FAM135B: variants seen among roughly 807,000 people sequenced by gnomAD.
FAM135B encodes protein FAM135B.
A neutral mutation model predicts 127.7 loss-of-function variants in FAM135B; 43 were observed. The observed-to-expected ratio is 0.34, with a 90% CI of 0.26 to 0.43. FAM135B has a LOEUF of 0.43. FAM135B is among the 20% of genes least tolerant of loss of function. The pLI is 1.00. For missense variants in FAM135B, 1,558 were observed against 1,725.6 expected (o/e 0.90, Z 1.72); for synonymous variants, 670 against 665.1 (o/e 1.01, Z -0.11).
rs10107259 is a variant in FAM135B at position 138,241,219 on chromosome 8, C to T, written c.669+1723G>A. Among the ~76,000 whole-genome samples the T allele has an allele frequency of 7.4e-3, 1,121 of 152,348 alleles. 15 individuals carry two copies. Among genetic ancestry groups the T allele is most frequent in the African/African-American group, 0.025 (1,047 of 41,584 alleles). ...CAATGACATGCTACAGGGCTCACTG[C>T]TTTCCACTCGCTTTCTTACTCATTC... On this transcript the variant is annotated intron_variant, in intron 7 of 19. Transcript: ENST00000395297. This position sits in a 1 kb window ranked among gnomAD's most constrained non-coding sequence, Gnocchi z 4.8.
intron 1 of FAM135B, among the ~76,000 whole-genome samples, chr8:138,479,155 T>G (rs931964751): frequency 6.6e-6 from 1 of 152,154 alleles, no homozygotes; most frequent in Non-Finnish European, 1.5e-5. Context: ...GTGTGGAACT[T>G]CCATGCCCTC....
intron 1 of FAM135B, chr8:138,436,743 T>C (rs1369807873): frequency 6.6e-6 from 1 of 152,240 alleles, no homozygotes; most frequent in Non-Finnish European, 1.5e-5. Flanking sequence ...GTCTTGAAGT[T>C]AAATGAGCTG....
At chr8:138,259,226 G>A in intron 4 of FAM135B, among the ~76,000 whole-genome samples, 1 of 152,078 alleles carries the variant, frequency 6.6e-6, no homozygotes, top group Non-Finnish European at 1.5e-5. Flanking sequence ...TCACTGCTTG[G>A]TTTCAACTCA....
At chr8:138,405,937 T>C (rs1833457378) in intron 1 of FAM135B, among the ~76,000 whole-genome samples, 1 of 151,994 alleles carries the variant, frequency 6.6e-6, no homozygotes, top group Non-Finnish European at 1.5e-5. Flanking sequence ...CTCATTGTGG[T>C]TTTGATTTGC....
intron 7 of FAM135B, among the ~76,000 whole-genome samples, chr8:138,223,059 T>C (rs1819157789): frequency 6.6e-6 from 1 of 152,126 alleles, no homozygotes; most frequent in Admixed American, 6.5e-5. Flanking sequence ...AGAGGGTGTC[T>C]GCCACACTGG....
intron 7 of FAM135B, among the ~76,000 whole-genome samples, chr8:138,227,115 C>T (rs939036469): frequency 2.6e-5 from 4 of 152,216 alleles, no homozygotes; most frequent in Non-Finnish European, 5.9e-5. Context: ...CCCAAGTTCA[C>T]AACTGATCAG....
chr8:138,427,472 T>G (rs189373212), intron 1 of FAM135B, among the ~76,000 whole-genome samples: 4 of 152,166 alleles, frequency 2.6e-5, no homozygotes, highest in Admixed American at 2.6e-4. Context: ...AAGTTAAGTT[T>G]TCTGAACCTT....
At chr8:138,393,232 T>C (rs916034721) in intron 1 of FAM135B, among the ~76,000 whole-genome samples, 1 of 151,812 alleles carries the variant, frequency 6.6e-6, no homozygotes, top group Non-Finnish European at 1.5e-5. Flanking sequence ...CAATTCAAGA[T>C]GAGATTTGGT....
intron 2 of FAM135B, among the ~76,000 whole-genome samples, chr8:138,328,885 A>C (rs970788447): frequency 3.3e-5 from 5 of 152,204 alleles, no homozygotes; most frequent in Non-Finnish European, 7.3e-5. Flanking sequence ...AATAGTTATG[A>C]GACTATTTGA....
chr8:138,272,621 A>G (rs1823469300), intron 3 of FAM135B, among the ~76,000 whole-genome samples: 1 of 152,256 alleles, frequency 6.6e-6, no homozygotes, highest in Non-Finnish European at 1.5e-5. Context: ...TATTAGAATA[A>G]GCCCAGTAAG....
intron 12 of FAM135B, among the ~76,000 whole-genome samples, chr8:138,158,844 G>T (rs13269310): frequency 1.5e-3 from 225 of 152,074 alleles, no homozygotes; most frequent in Non-Finnish European, 2.8e-3. Context: ...ACTGTTGGTA[G>T]GACTGTAAAC....
chr8:138,300,744 CTTTT>C (rs34292545), intron 3 of FAM135B, among the ~76,000 whole-genome samples: 2 of 100,492 alleles, frequency 2.0e-5, no homozygotes, highest in Non-Finnish European at 4.0e-5. Flanking sequence ...ATTTTATCCA[CTTTT>C]TTTTTTTTTT....
chr8:138,446,380 C>T (rs1421210121), intron 1 of FAM135B, among the ~76,000 whole-genome samples: 1 of 152,010 alleles, frequency 6.6e-6, no homozygotes, highest in East Asian at 1.9e-4. Flanking sequence ...AAGCTGGAGG[C>T]ATCACGCTAC....
intron 7 of FAM135B, among the ~76,000 whole-genome samples, chr8:138,219,562 T>C (rs73437684): frequency 4.6e-5 from 7 of 152,234 alleles, no homozygotes; most frequent in African/African-American, 1.4e-4. Context: ...ATTGAGAAAA[T>C]AACAAAGAAG....
At position 138,296,925 on chromosome 8, in the gene FAM135B, C is replaced by A. The variant is rs576913195; in HGVS notation, c.157+13916G>T. Among the ~76,000 whole-genome samples the A allele has an allele frequency of 5.3e-5, 8 of 152,180 alleles. No individual in the cohort carries two copies. In the East Asian group the frequency reaches 1.5e-3, roughly 29 times the overall value. ...CTCCCTTCCTCATGAATACTAAAGC[C>A]GAATGAGAGGTATGGGGAGCTCAGG... On this transcript the variant is annotated intron_variant, in intron 3 of 19. Transcript: ENST00000395297.
intron 1 of FAM135B, among the ~76,000 whole-genome samples, chr8:138,379,331 T>C (rs1831688102): frequency 6.6e-6 from 1 of 151,978 alleles, no homozygotes; most frequent in African/African-American, 2.4e-5. Flanking sequence ...TAGTAATATC[T>C]ATCTACTTAG....
chr8:138,317,373 C>T lies in FAM135B; in HGVS notation c.78-6453G>A, dbSNP rs971134813. 2.6e-5 allele frequency among the ~76,000 whole-genome samples: 4 copies of T among 151,950 alleles called. No homozygotes were observed. The East Asian group carries it at 5.8e-4, about 22-fold the overall frequency. ...GGAGTGGATGGGAGAGAGAGGCAAG[C>T]GGGTGTGGCTATCAAAGAGCAACAT... On this transcript the variant is annotated intron_variant, in intron 2 of 19. Transcript: ENST00000395297.
At chr8:138,179,086 G>A (rs533191740) in intron 9 of FAM135B, among the ~76,000 whole-genome samples, 46 of 152,080 alleles carry the variant, frequency 3.0e-4, no homozygotes, top group Admixed American at 8.5e-4. Flanking sequence ...CTCGCTCTTC[G>A]TTTATCCTGG....
At chr8:138,425,400 G>C (rs978138935) in intron 1 of FAM135B, 1 of 152,188 alleles carries the variant, frequency 6.6e-6, no homozygotes, top group African/African-American at 2.4e-5. Context: ...TGTAGTTGGT[G>C]AAAAGGTAAA....
Sources: gnomAD v4.1 joint callset for allele counts (sites outside exome capture counted in the v4.1 genomes callset) on GRCh38, gnomAD v4.1.1 for gene constraint, Gnocchi (gnomAD v3.1) non-coding constraint, MANE v1.5 for transcripts, NCBI Gene and HGNC (gene_info 2026-07-23, HGNC 2026-07-21) for gene names.